Variants in DOCK1 observed in about 807,000 individuals in gnomAD.
The protein encoded by DOCK1 is dedicator of cytokinesis protein 1.
DOCK1 carries 138 observed loss-of-function variants against 262.7 expected under a neutral mutation model. The ratio of observed to expected loss-of-function variants is 0.53; its 90% CI spans 0.46 to 0.61. The LOEUF (loss-of-function observed/expected upper bound fraction) is 0.61, where lower values mean the gene tolerates loss of function less well. DOCK1 is among the 20% of genes least tolerant of loss of function. The probability of loss-of-function intolerance (pLI) is 0.00; values close to 1 mark genes in which losing one functional copy is unlikely to be tolerated. For synonymous variants in DOCK1, 866 were observed against 867.4 expected (o/e 1.00, Z 0.03); for missense variants, 1,908 against 2,370.7 (o/e 0.80, Z 4.05).
chr10:127,000,676 G>A (rs1248036662), intron 10 of DOCK1: 1 of 176,144 alleles, frequency 5.7e-6, no homozygotes, highest in Non-Finnish European at 1.2e-5. Flanking sequence ...ACGAAGAAGA[G>A]GAAGAAAGGC....
intron 29 of DOCK1, among the ~76,000 whole-genome samples, chr10:127,330,713 A>G (rs2062940186): frequency 6.6e-6 from 1 of 152,220 alleles, no homozygotes; most frequent in Non-Finnish European, 1.5e-5. Context: ...TGCCAAGAGC[A>G]AGCACTTCCA....
intron 1 of DOCK1, among the ~76,000 whole-genome samples, chr10:126,963,571 C>T (rs1303376764): frequency 7.1e-6 from 1 of 140,160 alleles, no homozygotes; most frequent in Non-Finnish European, 1.6e-5. Context: ...CCTCCTCTCC[C>T]TCTCCTTCCC....
At chr10:127,157,035 C>T (rs990278121) in intron 27 of DOCK1, among the ~76,000 whole-genome samples, 8 of 152,326 alleles carry the variant, frequency 5.3e-5, no homozygotes, top group African/African-American at 1.9e-4. Context: ...AAGATGGAGT[C>T]CTTGTCCTCA....
intron 23 of DOCK1, among the ~76,000 whole-genome samples, chr10:127,089,789 T>G (rs2136084755): frequency 6.6e-6 from 1 of 152,322 alleles, no homozygotes; most frequent in East Asian, 1.9e-4. Flanking sequence ...TGCCATTTAG[T>G]CTTCCCCAAC....
chr10:127,407,002 A>G (rs2067553735), intron 40 of DOCK1, among the ~76,000 whole-genome samples: 1 of 151,498 alleles, frequency 6.6e-6, no homozygotes, highest in African/African-American at 2.4e-5. Flanking sequence ...ATGACATATT[A>G]TCTGGTTTCT....
intron 29 of DOCK1, among the ~76,000 whole-genome samples, chr10:127,300,967 G>A (rs902738456): frequency 6.6e-6 from 1 of 152,242 alleles, no homozygotes; most frequent in African/African-American, 2.4e-5. Context: ...CTCCAGAACA[G>A]ATACCAGCTT....
intron 29 of DOCK1, among the ~76,000 whole-genome samples, chr10:127,327,207 A>G (rs531304313): frequency 5.9e-5 from 9 of 152,364 alleles, no homozygotes; most frequent in African/African-American, 2.2e-4. Flanking sequence ...TTTTGAAGCC[A>G]GGAATTGACT....
At chr10:126,944,288 A>C (rs1427519111) in intron 1 of DOCK1, among the ~76,000 whole-genome samples, 1 of 151,972 alleles carries the variant, frequency 6.6e-6, no homozygotes, top group Non-Finnish European at 1.5e-5. Flanking sequence ...CTCAGGGTAC[A>C]GTTCTTCCCC....
At chr10:126,980,923 T>G (rs1270701181) in intron 3 of DOCK1, among the ~76,000 whole-genome samples, 1 of 151,642 alleles carries the variant, frequency 6.6e-6, no homozygotes, top group East Asian at 1.9e-4. Flanking sequence ...TTATTTTGCT[T>G]GCTCAGAAAG....
intron 1 of DOCK1, among the ~76,000 whole-genome samples, chr10:126,969,691 C>T (rs1440506651): frequency 1.3e-5 from 2 of 151,786 alleles, no homozygotes; most frequent in Non-Finnish European, 2.9e-5. Context: ...GAAGTTGGTA[C>T]CCAAAGATGT....
chr10:127,176,204 C>G lies in DOCK1; in HGVS notation c.2847+48440C>G. ...GCTTCTCCCCCAGCTGGCCCGAGGA[C>G]AGCTGTGTGTCCCTCTGCTCATTCT... On this transcript the variant is annotated intron_variant, in intron 27 of 51. Coordinates refer to ENST00000623213, the MANE Select transcript of DOCK1 (RefSeq NM_001290223.2). This position sits in a 1 kb window ranked among gnomAD's most constrained non-coding sequence, Gnocchi z 4.4. The G allele has an allele frequency of 6.2e-7, 1 of 1,614,138 alleles. No individual in the cohort carries two copies. The highest frequency in any genetic ancestry group is 8.5e-7 in the Non-Finnish European group (1 of 1,180,024).
intron 27 of DOCK1, among the ~76,000 whole-genome samples, chr10:127,207,145 C>T (rs2134289987): frequency 6.6e-6 from 1 of 152,312 alleles, no homozygotes; most frequent in East Asian, 1.9e-4. Flanking sequence ...ATTCTCCAGT[C>T]TTAATTGAGC....
chr10:127,095,661 C>CTG (rs61224822), intron 23 of DOCK1, among the ~76,000 whole-genome samples: 9,674 of 148,102 alleles, frequency 0.065, 431 homozygotes, highest in African/African-American at 0.14. Context: ...GGCCAGGAAG[C>CTG]TGTGTGTGTG....
chr10:127,076,805 G>A (rs1056907313), intron 23 of DOCK1, among the ~76,000 whole-genome samples: 1 of 152,164 alleles, frequency 6.6e-6, no homozygotes, highest in African/African-American at 2.4e-5. Context: ...TCTACCCCAG[G>A]GCCTGTGCCT....
Position 127,215,731 on chromosome 10 carries a change from G to A in DOCK1, c.2848-32277G>A, listed in dbSNP as rs527614992. ...AAATTGACCTAAAGAAAAATAAGTA[G>A]GAAAAAAAGTCCTACCTACATATGG... On this transcript the variant is annotated intron_variant, in intron 27 of 51. Coordinates refer to ENST00000623213, the MANE Select transcript of DOCK1 (RefSeq NM_001290223.2). 3.6e-4 allele frequency among the ~76,000 whole-genome samples: 55 copies of A among 151,900 alleles called. 2 individuals are homozygous for A. In the South Asian group the frequency reaches 7.1e-3, roughly 20 times the overall value.
chr10:127,139,748 AG>A lies in DOCK1; in HGVS notation c.2847+11989del, dbSNP rs569340853. ...CTTAAACTTCAATTCTTTCACTTCA[AG>A]GGGGAGAAAATAGTTCCTTCCCAGG... is the stretch of plus-strand genomic sequence containing the variant. On this transcript the variant is annotated intron_variant, in intron 27 of 51. Transcript: ENST00000623213. Among the ~76,000 whole-genome samples, 66 of 152,284 alleles carry A rather than the reference AG, an allele frequency of 4.3e-4. 1 individual carries two copies. The South Asian group carries it at 9.3e-3, about 22-fold the overall frequency.
At chr10:126,933,180 T>G (rs1437626765) in intron 1 of DOCK1, among the ~76,000 whole-genome samples, 2 of 152,056 alleles carry the variant, frequency 1.3e-5, no homozygotes, top group Non-Finnish European at 2.9e-5. Context: ...GCAGCTCTTG[T>G]GGGTGCGTTG....
intron 22 of DOCK1, among the ~76,000 whole-genome samples, chr10:127,056,149 G>A (rs569315623): frequency 3.4e-4 from 52 of 152,222 alleles, no homozygotes; most frequent in South Asian, 6.2e-4. Context: ...TTAGCTAACC[G>A]AGTACTGCAG....
At chr10:126,909,750 C>T (rs2031487579) in intron 1 of DOCK1, among the ~76,000 whole-genome samples, 1 of 152,196 alleles carries the variant, frequency 6.6e-6, no homozygotes, top group African/African-American at 2.4e-5. Flanking sequence ...ATGATGTTGG[C>T]AGAGAATTTA....
Sources: allele counts gnomAD v4.1 joint callset (sites outside exome capture counted in the v4.1 genomes callset), GRCh38; gene constraint gnomAD v4.1.1; non-coding constraint Gnocchi (gnomAD v3.1); transcripts MANE v1.5; gene names NCBI Gene and HGNC (gene_info 2026-07-23, HGNC 2026-07-21).